AGBL1: variants seen among roughly 807,000 people sequenced by gnomAD.
AGBL1 encodes the protein cytosolic carboxypeptidase 4.
AGBL1 carries 130 observed loss-of-function variants against 118.9 expected under a neutral mutation model. The ratio of observed to expected loss-of-function variants is 1.09; its 90% CI spans 0.95 to 1.26. The LOEUF (loss-of-function observed/expected upper bound fraction) is 1.26, where lower values mean the gene tolerates loss of function less well. AGBL1 is among the 50% of genes most tolerant of loss of function. The pLI is 0.00. For synonymous variants in AGBL1, 555 were observed against 478.9 expected (o/e 1.16, Z -2.08); for missense variants, 1,584 against 1,298.1 (o/e 1.22, Z -3.38).
At chr15:86,568,006 G>GA (rs771413115) in intron 21 of AGBL1, among the ~76,000 whole-genome samples, 22 of 152,178 alleles carry the variant, frequency 1.4e-4, no homozygotes, top group Non-Finnish European at 2.5e-4. Context: ...CTTTGGGATA[G>GA]AAAATTCCCC....
chr15:86,667,076 A>G (rs1797653595), intron 21 of AGBL1, among the ~76,000 whole-genome samples: 1 of 152,142 alleles, frequency 6.6e-6, no homozygotes, highest in African/African-American at 2.4e-5. Flanking sequence ...AGGTATGTTA[A>G]CATCTATACT....
intron 24 of AGBL1, among the ~76,000 whole-genome samples, chr15:87,011,649 C>A (rs2081561649): frequency 6.6e-6 from 1 of 152,176 alleles, no homozygotes; most frequent in African/African-American, 2.4e-5. Flanking sequence ...CCCAAACTGA[C>A]TGCACTGTAA....
chr15:86,362,956 C>G (rs913669882), intron 17 of AGBL1, among the ~76,000 whole-genome samples: 3 of 152,132 alleles, frequency 2.0e-5, no homozygotes, highest in African/African-American at 7.2e-5. Flanking sequence ...GGCTTAATAC[C>G]TGGGGCATGG....
intron 22 of AGBL1, among the ~76,000 whole-genome samples, chr15:86,740,787 G>C (rs2077666361): frequency 6.6e-6 from 1 of 152,140 alleles, no homozygotes; most frequent in Non-Finnish European, 1.5e-5. Flanking sequence ...GGTATCCCAA[G>C]TAAAAATCAA....
intron 22 of AGBL1, among the ~76,000 whole-genome samples, chr15:86,776,798 G>C (rs972026279): frequency 1.2e-4 from 18 of 149,420 alleles, no homozygotes; most frequent in Middle Eastern, 3.5e-3. Flanking sequence ...GTGAGAGAGA[G>C]AGAGAATTAA....
chr15:86,113,988 T>G (rs1897599145), intron 1 of AGBL1, among the ~76,000 whole-genome samples: 1 of 152,162 alleles, frequency 6.6e-6, no homozygotes, highest in Non-Finnish European at 1.5e-5. Context: ...TAAAAAACAA[T>G]TAAGAGCATT....
Position 86,557,517 on chromosome 15 carries a change from C to G in AGBL1, c.2994+2980C>G, listed in dbSNP as rs117338570. Among the ~76,000 whole-genome samples, 726 of 152,316 alleles carry G rather than the reference C, an allele frequency of 4.8e-3. 4 individuals carry two copies. Among genetic ancestry groups the G allele is most frequent in the Non-Finnish European group, 7.3e-3 (500 of 68,030 alleles). On this transcript the variant is annotated intron_variant, in intron 21 of 22. Coordinates refer to ENST00000614907, the MANE Select transcript of AGBL1 (RefSeq NM_001386094.1). ...AGAAGGACAGAAGATGGTAACTCAGCTGAGGTTTGAAGAGTGACTCAACTT... is the reference window on the plus strand; with the variant it reads ...AGAAGGACAGAAGATGGTAACTCAGGTGAGGTTTGAAGAGTGACTCAACTT...
At chr15:86,904,242 C>A (rs2080250925) in intron 22 of AGBL1, among the ~76,000 whole-genome samples, 1 of 152,064 alleles carries the variant, frequency 6.6e-6, no homozygotes, top group South Asian at 2.1e-4. Flanking sequence ...CAAAGGAAAC[C>A]CAGAGAGATC....
At chr15:86,359,097 A>C (rs1237260922) in intron 17 of AGBL1, among the ~76,000 whole-genome samples, 1 of 151,928 alleles carries the variant, frequency 6.6e-6, no homozygotes, top group Non-Finnish European at 1.5e-5. Context: ...GTCATCACCC[A>C]GGCCAATATT....
intron 6 of AGBL1, among the ~76,000 whole-genome samples, chr15:86,230,047 A>G (rs1011072639): frequency 2.6e-5 from 4 of 152,112 alleles, no homozygotes; most frequent in African/African-American, 9.7e-5. Context: ...AGGGGGAGGG[A>G]GAGATGTAAA....
At chr15:86,935,888 G>T (rs2080667857) in intron 23 of AGBL1, among the ~76,000 whole-genome samples, 1 of 152,228 alleles carries the variant, frequency 6.6e-6, no homozygotes, top group Admixed American at 6.5e-5. Flanking sequence ...CCCCTTTGGT[G>T]ATTTCCAGGT....
chr15:86,860,647 T>C (rs924762754), intron 22 of AGBL1, among the ~76,000 whole-genome samples: 3 of 152,058 alleles, frequency 2.0e-5, no homozygotes, highest in African/African-American at 7.2e-5. Flanking sequence ...TGTTCAACAA[T>C]CAAGCCCAAG....
At chr15:86,880,264 A>G (rs2079872049) in intron 22 of AGBL1, among the ~76,000 whole-genome samples, 1 of 152,232 alleles carries the variant, frequency 6.6e-6, no homozygotes, top group Non-Finnish European at 1.5e-5. Flanking sequence ...AAAGTAAGAA[A>G]TTCACTCATT....
chr15:86,518,684 T>A (rs2083151274), intron 18 of AGBL1, among the ~76,000 whole-genome samples: 1 of 151,874 alleles, frequency 6.6e-6, no homozygotes, highest in African/African-American at 2.4e-5. Context: ...ACATAGGCAA[T>A]AAGGATGCCT....
At chr15:86,534,214 G>C (rs2083391320) in intron 19 of AGBL1, among the ~76,000 whole-genome samples, 1 of 151,326 alleles carries the variant, frequency 6.6e-6, no homozygotes, top group Non-Finnish European at 1.5e-5. Context: ...TGGAGTGGTA[G>C]AAAATAGTAA....
chr15:86,153,441 C>G (rs977720718), intron 3 of AGBL1, among the ~76,000 whole-genome samples: 1 of 149,164 alleles, frequency 6.7e-6, no homozygotes, highest in African/African-American at 2.5e-5. Context: ...TGCTCTCACT[C>G]GTAGGTGGGA....
At chr15:86,679,088 C>G (rs1169952875) in intron 22 of AGBL1, among the ~76,000 whole-genome samples, 1 of 152,010 alleles carries the variant, frequency 6.6e-6, no homozygotes, top group African/African-American at 2.4e-5. Context: ...CTGATGCACT[C>G]TATAATGAGT....
intron 24 of AGBL1, among the ~76,000 whole-genome samples, chr15:87,019,903 A>G (rs988291711): frequency 6.6e-6 from 1 of 152,000 alleles, no homozygotes; most frequent in Non-Finnish European, 1.5e-5. Context: ...GAAGAATCAA[A>G]GAAACAAGTC....
chr15:86,663,998 T>C (rs2085595014), intron 21 of AGBL1, among the ~76,000 whole-genome samples: 1 of 152,098 alleles, frequency 6.6e-6, no homozygotes, highest in Admixed American at 6.6e-5. Context: ...TCATTCATGG[T>C]GTAGGGACAA....
Sources: allele counts gnomAD v4.1 joint callset (sites outside exome capture counted in the v4.1 genomes callset), GRCh38; gene constraint gnomAD v4.1.1; transcripts MANE v1.5; gene names NCBI Gene and HGNC (gene_info 2026-07-23, HGNC 2026-07-21).